The following SLC36A1 variants were observed in gnomAD, a reference collection of about 807,000 sequenced individuals.
The protein encoded by SLC36A1 is solute carrier family 36 member 1.
In SLC36A1, 30 loss-of-function variants were observed where a neutral mutation model predicts 47.5. That is an observed-to-expected ratio of 0.63 (90% CI 0.47 to 0.86). The LOEUF (loss-of-function observed/expected upper bound fraction) is 0.86. Ranked by LOEUF, SLC36A1 falls within the 40% of genes least tolerant of loss-of-function variation. The pLI, the probability that SLC36A1 is intolerant of heterozygous loss-of-function variation, is 0.00. For synonymous variants in SLC36A1, 255 were observed against 249.7 expected, an observed-to-expected ratio of 1.02 and a Z score of -0.20; for missense variants, 517 against 606.0, an observed-to-expected ratio of 0.85 and a Z score of 1.54.
chr5:151,553,579 G>A, the SLC36A1 span, among the ~76,000 whole-genome samples: 2 of 152,196 alleles, frequency 1.3e-5, no homozygotes, highest in Non-Finnish European at 2.9e-5. Context: ...GCACGGTGGT[G>A]AACAAAACGT....
At chr5:151,532,205 T>G in the SLC36A1 span, among the ~76,000 whole-genome samples, 1 of 152,212 alleles carries the variant, frequency 6.6e-6, no homozygotes, top group African/African-American at 2.4e-5. Flanking sequence ...TCTATCAAAC[T>G]ATCCGAAAAT....
At chr5:151,487,008 C>T (rs1759655471) in intron 10 of SLC36A1, among the ~76,000 whole-genome samples, 1 of 152,184 alleles carries the variant, frequency 6.6e-6, no homozygotes, top group African/African-American at 2.4e-5. Context: ...GTTAATATCC[C>T]CATTTTGCCA....
downstream of SLC36A1, among the ~76,000 whole-genome samples, chr5:151,496,237 C>T (rs1214268990): frequency 1.3e-5 from 2 of 152,176 alleles, no homozygotes; most frequent in Non-Finnish European, 2.9e-5. Flanking sequence ...CTCTGTTTGC[C>T]TACCGCCATC....
At chr5:151,383,994 C>T in the SLC36A1 span, among the ~76,000 whole-genome samples, 1 of 151,744 alleles carries the variant, frequency 6.6e-6, no homozygotes, top group African/African-American at 2.4e-5. Context: ...GAAAATGATA[C>T]ATATGTGGTT....
At chr5:151,534,376 A>T in the SLC36A1 span, 6 of 1,543,694 alleles carry the variant, frequency 3.9e-6, no homozygotes, top group Non-Finnish European at 4.4e-6. Flanking sequence ...CCAGGAGATC[A>T]TTGGAAATGG....
At chr5:151,553,416 G>A in the SLC36A1 span, 1 of 1,604,516 alleles carries the variant, frequency 6.2e-7, no homozygotes, top group Non-Finnish European at 8.5e-7. Flanking sequence ...CAAAACTGAG[G>A]TTTGGGGCCA....
chr5:151,507,667 C>A, the SLC36A1 span: 1 of 1,465,736 alleles, frequency 6.8e-7, no homozygotes, highest in Non-Finnish European at 9.2e-7. Flanking sequence ...TTCCATGTCC[C>A]CTCTTACAGA....
the SLC36A1 span, among the ~76,000 whole-genome samples, chr5:151,426,640 T>C: frequency 3.3e-5 from 5 of 151,846 alleles, no homozygotes; most frequent in African/African-American, 1.2e-4. Context: ...TTCCCAGGGA[T>C]GAGCAGGAGA....
chr5:151,531,026 C>T, the SLC36A1 span, among the ~76,000 whole-genome samples: 2 of 152,156 alleles, frequency 1.3e-5, no homozygotes, highest in Non-Finnish European at 2.9e-5. The surrounding 1 kb of genome is among the most constrained non-coding windows in gnomAD (Gnocchi z 5.7). Flanking sequence ...CCTGGGTGGC[C>T]TCTGAGGCCC....
At chr5:151,515,565 C>T in the SLC36A1 span, among the ~76,000 whole-genome samples, 5 of 152,206 alleles carry the variant, frequency 3.3e-5, no homozygotes, top group African/African-American at 1.2e-4. Context: ...CATACCCTTC[C>T]CCAGGCCTGC....
At chr5:151,509,913 G>T in the SLC36A1 span, 33 of 1,311,678 alleles carry the variant, frequency 2.5e-5, no homozygotes, top group East Asian at 7.5e-4. Context: ...TAGAAGCCAG[G>T]TCCCTGCAGC....
chr5:151,504,119 TAAA>T, the SLC36A1 span: 1 of 150,326 alleles, frequency 6.7e-6, no homozygotes, highest in Non-Finnish European at 1.5e-5. Flanking sequence ...ACTTTATTGT[TAAA>T]AAAAAAATGA....
intron 10 of SLC36A1, 71 bp from the exon 11 acceptor site, chr5:151,487,912 G>C: frequency 6.5e-7 from 1 of 1,543,900 alleles, no homozygotes; most frequent in South Asian, 1.2e-5. Context: ...TGCTGAATTC[G>C]CTCAACAGTA....
the SLC36A1 span, among the ~76,000 whole-genome samples, chr5:151,366,160 G>A: frequency 2.0e-5 from 3 of 152,222 alleles, no homozygotes; most frequent in African/African-American, 7.2e-5. Flanking sequence ...AATTTGTGAA[G>A]TTGAGGCTCC....
At chr5:151,432,327 G>A (rs997846778), upstream of SLC36A1, among the ~76,000 whole-genome samples, 1 of 152,216 alleles carries the variant, frequency 6.6e-6, no homozygotes, top group Admixed American at 6.5e-5. Flanking sequence ...GGTCAGCAAA[G>A]CTTTCCCCGA....
At chr5:151,507,045 G>C in the SLC36A1 span, 1 of 930,872 alleles carries the variant, frequency 1.1e-6, no homozygotes, top group East Asian at 2.5e-5. Flanking sequence ...CATCCCAAAG[G>C]GTTGGATGCG....
chr5:151,479,437 C>CT lies in SLC36A1; in HGVS notation c.1108dup (p.Cys370LeufsTer2), dbSNP rs778909737. On this transcript the variant is annotated frameshift_variant, in exon 10 of 11. Coordinates refer to ENST00000243389, the MANE Select transcript of SLC36A1 (RefSeq NM_078483.4). LOFTEE classifies it high-confidence loss of function. ...TCTTTGTGTCCCGAGCGCCCGAGCA[C>CT]TGTGAGTTAGTGGTGGACCTGTTTG... 1 of 1,614,204 alleles carries CT rather than the reference C, an allele frequency of 6.2e-7. No homozygotes were observed. Among genetic ancestry groups the CT allele is most frequent in the South Asian group, 1.1e-5 (1 of 91,078 alleles).
chr5:151,356,339 C>CAAAAAAAAAAAA, the SLC36A1 span, among the ~76,000 whole-genome samples: 125 of 51,264 alleles, frequency 2.4e-3, 10 homozygotes, highest in South Asian at 6.8e-3. Context: ...CTCTGTCTCA[C>CAAAAAAAAAAAA]AAAAAAAAAA....
chr5:151,545,707 G>T, the SLC36A1 span: 2 of 1,613,950 alleles, frequency 1.2e-6, no homozygotes, highest in African/African-American at 2.7e-5. Context: ...CAAGGCCTCC[G>T]GCTCCAAAAT....
Sources: allele counts gnomAD v4.1 joint callset (sites outside exome capture counted in the v4.1 genomes callset), GRCh38; gene constraint gnomAD v4.1.1; non-coding constraint Gnocchi (gnomAD v3.1); transcripts MANE v1.5; gene names NCBI Gene and HGNC (gene_info 2026-07-23, HGNC 2026-07-21).